The following IKZF2 variants were observed in gnomAD, a reference collection of about 807,000 sequenced individuals.
The protein encoded by IKZF2 is IKAROS family zinc finger 2.
A neutral mutation model predicts 49.2 loss-of-function variants in IKZF2; 15 were observed. That is an observed-to-expected ratio of 0.30 (90% CI 0.20 to 0.47). The LOEUF (loss-of-function observed/expected upper bound fraction) is 0.47, where lower values mean the gene tolerates loss of function less well. Ranked by LOEUF, IKZF2 falls within the 20% of genes least tolerant of loss-of-function variation. IKZF2 has a pLI of 1.00. For synonymous variants in IKZF2, 227 were observed against 221.4 expected, an observed-to-expected ratio of 1.03 and a Z score of -0.23; for missense variants, 567 against 664.6, an observed-to-expected ratio of 0.85 and a Z score of 1.61.
intron 4 of IKZF2, among the ~76,000 whole-genome samples, chr2:213,091,213 T>A (rs1253621074): frequency 6.6e-6 from 1 of 152,190 alleles, no homozygotes; most frequent in African/African-American, 2.4e-5. Flanking sequence ...TTTTAAAAAG[T>A]ATGATCCAAT....
At chr2:213,110,655 AATT>A (rs2059676780) in intron 4 of IKZF2, among the ~76,000 whole-genome samples, 1 of 151,996 alleles carries the variant, frequency 6.6e-6, no homozygotes, top group South Asian at 2.1e-4. Flanking sequence ...ACATTTGACA[AATT>A]ATTATAAGAT....
At chr2:213,119,436 A>G (rs1375727470) in intron 4 of IKZF2, among the ~76,000 whole-genome samples, 1 of 152,164 alleles carries the variant, frequency 6.6e-6, no homozygotes, top group African/African-American at 2.4e-5. Flanking sequence ...AACTTTAGTC[A>G]GAGGAAGTTT....
intron 4 of IKZF2, among the ~76,000 whole-genome samples, chr2:213,089,960 T>TTC (rs1705110142): frequency 6.6e-6 from 1 of 152,114 alleles, no homozygotes; most frequent in Admixed American, 6.6e-5. Flanking sequence ...CTAGCAGAGC[T>TTC]TCTTTAAGGC....
At chr2:213,094,047 G>A (rs1050526590) in intron 4 of IKZF2, among the ~76,000 whole-genome samples, 2 of 152,176 alleles carry the variant, frequency 1.3e-5, no homozygotes, top group African/African-American at 4.8e-5. Context: ...ATGTGAACAT[G>A]TGAAAAGGGA....
chr2:213,012,018 T>C (rs190024080), intron 8 of IKZF2, among the ~76,000 whole-genome samples: 4 of 152,112 alleles, frequency 2.6e-5, no homozygotes, highest in Admixed American at 2.6e-4. Context: ...ATGCAGGAAG[T>C]TCAGGGATCA....
In IKZF2 at chr2:213,083,004, T is replaced by C. The variant is rs567198001; in HGVS notation, c.140-25905A>G. The stretch of plus-strand genomic sequence containing the variant: ...TTTTATATTTCTTTTCCTTCATATG[T>C]CTGCTTATTTGATGGTAATTTTATA... On this transcript the variant is annotated intron_variant, in intron 4 of 8. Coordinates refer to ENST00000434687, the MANE Select transcript of IKZF2 (RefSeq NM_001387220.1). Among the ~76,000 whole-genome samples the C allele has an allele frequency of 5.3e-5, 8 of 152,340 alleles. No individual in the cohort carries two copies. In the East Asian group the frequency reaches 1.3e-3, roughly 26 times the overall value.
chr2:213,105,327 C>A (rs990211804), intron 4 of IKZF2, among the ~76,000 whole-genome samples: 1 of 152,074 alleles, frequency 6.6e-6, no homozygotes, highest in Non-Finnish European at 1.5e-5. Context: ...TCCTTTCCAA[C>A]TGTTCCCAAA....
Position 213,007,689 on chromosome 2 carries a change from G to A in IKZF2, c.1252C>T (p.Gln418Ter), listed in dbSNP as rs910591540. ...AAGGCAGGGTGTCCTTGGTAGGACT[G>A]GTGGTCATCATGGCTGCTTTCTGAG... Reference protein sequence around the residue: ...TDSESSHDDHQSYQGHPALNP... With the variant: ...TDSESSHDDH The change falls in exon 9 of 9, where the codon CAG (glutamine) becomes TAG (stop). Residue 418 changes from glutamine (Q) to a stop codon, truncating the protein, a stop_gained. Coordinates refer to ENST00000434687, the MANE Select transcript of IKZF2 (RefSeq NM_001387220.1). LOFTEE classifies it high-confidence loss of function. 6.2e-7 allele frequency: 1 copy of A among 1,613,642 alleles called. No homozygotes were observed. Among genetic ancestry groups the A allele is most frequent in the Admixed American group, 1.7e-5 (1 of 59,970 alleles).
At chr2:213,028,202 C>A (rs926923734) in intron 6 of IKZF2, among the ~76,000 whole-genome samples, 9 of 152,038 alleles carry the variant, frequency 5.9e-5, no homozygotes, top group Non-Finnish European at 1.0e-4. Flanking sequence ...AATCAACTGA[C>A]CAATTTGGGT....
At chr2:213,011,447 G>C (rs936816773) in intron 8 of IKZF2, among the ~76,000 whole-genome samples, 1 of 151,830 alleles carries the variant, frequency 6.6e-6, no homozygotes, top group Admixed American at 6.6e-5. Flanking sequence ...GCACAAGAGG[G>C]GGAATGAACT....
chr2:213,038,750 T>C (rs1699311785), intron 6 of IKZF2, among the ~76,000 whole-genome samples: 1 of 152,176 alleles, frequency 6.6e-6, no homozygotes, highest in Non-Finnish European at 1.5e-5. Flanking sequence ...GAGTAAGTGA[T>C]GACAAATGCT....
intron 5 of IKZF2, among the ~76,000 whole-genome samples, chr2:213,054,578 T>G (rs757941423): frequency 8.5e-5 from 13 of 152,210 alleles, no homozygotes; most frequent in Non-Finnish European, 1.8e-4. Context: ...GTGTCTAGTT[T>G]AATGATATCA....
intron 4 of IKZF2, among the ~76,000 whole-genome samples, chr2:213,104,796 C>T (rs968986213): frequency 1.3e-5 from 2 of 152,170 alleles, no homozygotes; most frequent in African/African-American, 4.8e-5. Context: ...TTGATAAGGT[C>T]ACGCCTTAAA....
chr2:213,049,653 A>T, intron 6 of IKZF2, 60 bp downstream of exon 6: 1 of 1,314,798 alleles, frequency 7.6e-7, no homozygotes, highest in Non-Finnish European at 1.0e-6. Flanking sequence ...CTATCATTCA[A>T]TAGTACTCTT....
intron 4 of IKZF2, among the ~76,000 whole-genome samples, chr2:213,136,440 A>ACCT (rs1374264453): frequency 2.0e-5 from 3 of 151,520 alleles, no homozygotes; most frequent in Non-Finnish European, 4.4e-5. Flanking sequence ...AAAAGAAAAT[A>ACCT]CCTTATATTT....
chr2:213,041,549 A>C (rs1574595261), intron 6 of IKZF2, among the ~76,000 whole-genome samples: 2 of 151,908 alleles, frequency 1.3e-5, no homozygotes, highest in South Asian at 4.2e-4. Flanking sequence ...TGATCCGCCC[A>C]CCTCGGCCTC....
intron 4 of IKZF2, among the ~76,000 whole-genome samples, chr2:213,121,959 A>C (rs1193393920): frequency 6.6e-6 from 1 of 152,196 alleles, no homozygotes; most frequent in Non-Finnish European, 1.5e-5. Context: ...AAGTGCAGAA[A>C]TAAATAATAG....
At chr2:213,146,677 G>C (rs1189216480) in intron 4 of IKZF2, among the ~76,000 whole-genome samples, 1 of 138,192 alleles carries the variant, frequency 7.2e-6, no homozygotes, top group Non-Finnish European at 1.5e-5. Flanking sequence ...AGAAAAAGTT[G>C]CTCTCTCTGG....
intron 4 of IKZF2, among the ~76,000 whole-genome samples, chr2:213,133,735 A>T (rs912424542): frequency 1.1e-4 from 12 of 107,668 alleles, no homozygotes; most frequent in Admixed American, 2.8e-4. Flanking sequence ...AATAAATAAA[A>T]TAAATATTCA....
Sources: gnomAD v4.1 joint callset for allele counts (sites outside exome capture counted in the v4.1 genomes callset) on GRCh38, gnomAD v4.1.1 for gene constraint, MANE v1.5 for transcripts, NCBI Gene and HGNC (gene_info 2026-07-23, HGNC 2026-07-21) for gene names.